RYR1: variants seen among roughly 807,000 people sequenced by gnomAD.
The protein encoded by RYR1 is central core disease of muscle.
In RYR1, 342 loss-of-function variants were observed where a neutral mutation model predicts 583.5. The ratio of observed to expected loss-of-function variants is 0.59; its 90% CI spans 0.54 to 0.64. RYR1 has a LOEUF of 0.64. Ranked by LOEUF, RYR1 falls within the 30% of genes least tolerant of loss-of-function variation. The probability of loss-of-function intolerance (pLI) is 0.00; values close to 1 mark genes in which losing one functional copy is unlikely to be tolerated. For synonymous variants in RYR1, 2,791 were observed against 2,822.5 expected (o/e 0.99, Z 0.35); for missense variants, 6,032 against 6,917.2 (o/e 0.87, Z 4.54).
In RYR1 at chr19:38,483,235, T is replaced by A. The variant is rs908897558; in HGVS notation, c.4708-55T>A. The A allele has an allele frequency of 1.9e-6, 3 of 1,578,498 alleles. No individual in the cohort carries two copies. The highest frequency in any genetic ancestry group is 4.5e-5 in the East Asian group (2 of 43,960). ...CCAAGAGGTCTCCCTGGAAGTGGTG[T>A]GGTGGGACAGAGGGGGCTGGCCATC... is the stretch of plus-strand genomic sequence containing the variant. On this transcript the variant is annotated intron_variant, in intron 32 of 105. Transcript: ENST00000359596. The surrounding 1 kb of genome is among the most constrained non-coding windows in gnomAD (Gnocchi z 6.3).
chr19:38,455,350 A>C lies in RYR1; in HGVS notation c.1556A>C (p.Asn519Thr), dbSNP rs1337028636. 1.9e-6 allele frequency: 3 copies of C among 1,613,970 alleles called. No individual in the cohort carries two copies. The highest frequency in any genetic ancestry group is 1.7e-5 in the Admixed American group (1 of 59,986). Reference sequence around the variant, plus strand: ...GCCGAGTCCTGGAAAGAGATTGTGAATCTTCTCTATGAACTCCTAGGTAGG... The same window carrying C: ...GCCGAGTCCTGGAAAGAGATTGTGACTCTTCTCTATGAACTCCTAGGTAGG... ...EAAESWKEIV[N>T]LLYELLASLI... The change falls in exon 14 of 106, where the codon AAT becomes ACT. Residue 519 changes from asparagine to threonine, a missense_variant. This residue lies in a region of RYR1 where 2,627 missense variants were observed against 2,961.3 expected (regional missense o/e 0.89). Transcript: ENST00000359596.
At position 38,496,714 on chromosome 19, in the gene RYR1, C is replaced by T. The variant is rs1969846089; in HGVS notation, c.6797-146C>T. The T allele has an allele frequency of 1.5e-5, 17 of 1,102,552 alleles. No individual in the cohort carries two copies. The South Asian group carries it at 2.2e-4, about 14-fold the overall frequency. 68.3% of individuals were successfully genotyped at this position (1,102,552 alleles called of 1,614,324 possible). On this transcript the variant is annotated intron_variant, in intron 41 of 105. Transcript: ENST00000359596. This position sits in a 1 kb window ranked among gnomAD's most constrained non-coding sequence, Gnocchi z 4.8. ...ACAATAGTGACCCCAATAGTGACAGCCCAGAGTGGTCAGAGCTTGGATGAG... is the reference window on the plus strand; with the variant it reads ...ACAATAGTGACCCCAATAGTGACAGTCCAGAGTGGTCAGAGCTTGGATGAG...
intron 96 of RYR1, 107 bp downstream of exon 96, chr19:38,573,414 G>T: frequency 7.1e-7 from 1 of 1,398,896 alleles, no homozygotes; most frequent in Non-Finnish European, 9.6e-7. Flanking sequence ...GGGCACGGTG[G>T]CTCACACCTG....
chr19:38,571,507 G>A (rs1417746618), intron 94 of RYR1, among the ~76,000 whole-genome samples: 1 of 152,034 alleles, frequency 6.6e-6, no homozygotes, highest in Non-Finnish European at 1.5e-5. Flanking sequence ...CCTGGTGGCG[G>A]GCACCTGTAA....
chr19:38,498,565 A>T (rs2145595738), intron 42 of RYR1, among the ~76,000 whole-genome samples: 1 of 152,312 alleles, frequency 6.6e-6, no homozygotes, highest in South Asian at 2.1e-4. Flanking sequence ...TAATCCATAG[A>T]CAGAGCAGCC....
In RYR1 at chr19:38,474,006, T is replaced by G. The variant is rs567398071; in HGVS notation, c.4160+235T>G. 5.3e-5 allele frequency among the ~76,000 whole-genome samples: 8 copies of G among 152,300 alleles called. No individual in the cohort carries two copies. The South Asian group carries it at 1.7e-3, about 32-fold the overall frequency. ...GTACCCTAGTATCTATATGGAGAAC[T>G]CTATTATCCTTGAGTACCTGGAGGG... On this transcript the variant is annotated intron_variant, in intron 28 of 105. Transcript: ENST00000359596.
intron 20 of RYR1, among the ~76,000 whole-genome samples, chr19:38,462,543 A>G (rs953365267): frequency 5.3e-5 from 8 of 151,426 alleles, no homozygotes; most frequent in African/African-American, 1.9e-4. Flanking sequence ...CCAAACCATC[A>G]TTGCCTCTTG....
chr19:38,548,961 C>T (rs907576353), intron 89 of RYR1, among the ~76,000 whole-genome samples: 4 of 152,192 alleles, frequency 2.6e-5, no homozygotes, highest in African/African-American at 4.8e-5. Context: ...ATAGTCATAA[C>T]ATTATCATTA....
chr19:38,444,339 C>T lies in RYR1; in HGVS notation c.537+78C>T, dbSNP rs2145339514. 5 of 1,187,058 alleles carry T rather than the reference C, an allele frequency of 4.2e-6. No individual in the cohort carries two copies. The highest frequency in any genetic ancestry group is 2.5e-5 in the East Asian group (1 of 40,042). The allele number at this position is 1,187,058 out of a possible 1,614,324, so 73.5% of individuals were successfully genotyped here. On this transcript the variant is annotated intron_variant, in intron 6 of 105. Transcript: ENST00000359596. This position sits in a 1 kb window ranked among gnomAD's most constrained non-coding sequence, Gnocchi z 5.1. ...CCCCATCTTCTCACCATGGGTTTGC[C>T]TGGCTGATCTCCCACCCCCAAGGTC...
At chr19:38,544,017 A>G in intron 87 of RYR1, 142 bp downstream of exon 87, 1 of 812,732 alleles carries the variant, frequency 1.2e-6, no homozygotes, top group Non-Finnish European at 2.0e-6. Flanking sequence ...GGCCAAATCC[A>G]TCCTCTTTCT....
chr19:38,457,777 A>T, intron 17 of RYR1, 147 bp downstream of exon 17: 1 of 880,972 alleles, frequency 1.1e-6, no homozygotes, highest in Non-Finnish European at 1.8e-6. Context: ...CTGTGGCCCC[A>T]CTCTCCCTTG....
intron 89 of RYR1, among the ~76,000 whole-genome samples, 186 bp from the exon 90 acceptor site, chr19:38,560,927 G>T (rs1973103255): frequency 6.6e-6 from 1 of 151,292 alleles, no homozygotes; most frequent in African/African-American, 2.4e-5. Context: ...TCTGGATGCT[G>T]GGTACTTGAG....
chr19:38,460,899 C>T (rs1217184784), intron 20 of RYR1, among the ~76,000 whole-genome samples: 3 of 152,080 alleles, frequency 2.0e-5, no homozygotes, highest in Non-Finnish European at 2.9e-5. Flanking sequence ...GCAGGAGAAT[C>T]GCTTGAACCC....
rs1970417685 is a variant in RYR1, at chr19:38,505,808, C to T, written c.8403C>T (p.Asp2801=). 1 of 1,614,070 alleles carries T rather than the reference C, an allele frequency of 6.2e-7. No homozygotes were observed. Among genetic ancestry groups the T allele is most frequent in the South Asian group, 1.1e-5 (1 of 91,082 alleles). ...CCCCACCCTCCTGTCCACCCCAGGA[C>T]AAAGAGATTTACCGCTGGCCCATCA... ...LRPYKTFSEK[D]KEIYRWPIKE... is the part of the protein sequence containing the mutation. Residue 2801 remains aspartate (D), a splice_region_variant and synonymous_variant, in exon 54 of 106, where the codon GAC becomes GAT. Transcript: ENST00000359596.
intron 48 of RYR1, 24 bp downstream of exon 48, chr19:38,502,751 T>TGGGGCACGGGCAGGGGCA (rs1970203038): frequency 9.6e-7 from 1 of 1,042,186 alleles, no homozygotes; most frequent in Non-Finnish European, 1.3e-6. Context: ...GGCTTCAGGG[T>TGGGGCACGGGCAGGGGCA]GGGGCAGGGG....
chr19:38,441,840 G>A (rs536407699), intron 2 of RYR1, among the ~76,000 whole-genome samples: 19 of 152,026 alleles, frequency 1.2e-4, no homozygotes, highest in South Asian at 6.2e-4. Flanking sequence ...AAGGTTGAGC[G>A]CCCTCCTGTG....
rs1033038395 is a variant in RYR1 at position 38,547,992 on chromosome 19, C to T, written c.12095-241C>T. Among the ~76,000 whole-genome samples, 9 of 152,118 alleles carry T rather than the reference C, an allele frequency of 5.9e-5. No homozygotes were observed. In the South Asian group the frequency reaches 6.2e-4, roughly 10 times the overall value. ...TCTCCCAAAGTGCTGGGATTACAGG[C>T]GTGAGCCACCACGTCCGACCTGACA... On this transcript the variant is annotated intron_variant, in intron 88 of 105. Coordinates refer to ENST00000359596, the MANE Select transcript of RYR1 (RefSeq NM_000540.3).
At chr19:38,472,900 C>T (rs1289275573) in intron 27 of RYR1, among the ~76,000 whole-genome samples, 2 of 139,274 alleles carry the variant, frequency 1.4e-5, no homozygotes, top group Non-Finnish European at 3.0e-5. Flanking sequence ...GTTTTTGGGG[C>T]AAATTTTCAG....
chr19:38,577,761 C>T (rs1201386660), intron 97 of RYR1, among the ~76,000 whole-genome samples, 157 bp from the exon 98 acceptor site: 2 of 151,848 alleles, frequency 1.3e-5, no homozygotes, highest in Non-Finnish European at 2.9e-5. Context: ...GCGCCACTGC[C>T]CTCCAGCCTG....
Sources: allele counts gnomAD v4.1 joint callset (sites outside exome capture counted in the v4.1 genomes callset), GRCh38; gene constraint gnomAD v4.1.1; regional missense constraint gnomAD v4.1.1; non-coding constraint Gnocchi (gnomAD v3.1); transcripts MANE v1.5; gene names NCBI Gene and HGNC (gene_info 2026-07-23, HGNC 2026-07-21).